Variants in MYO5A observed in about 807,000 individuals in gnomAD.
The protein encoded by MYO5A is myosin VA.
A neutral mutation model predicts 249.7 loss-of-function variants in MYO5A; 98 were observed. The ratio of observed to expected loss-of-function variants is 0.39; its 90% CI spans 0.33 to 0.46. The LOEUF (loss-of-function observed/expected upper bound fraction) is 0.46, where lower values mean the gene tolerates loss of function less well. MYO5A is among the 20% of genes least tolerant of loss of function. MYO5A has a pLI of 0.98. For missense variants in MYO5A, 1,696 were observed against 2,308.8 expected, an observed-to-expected ratio of 0.73 and a Z score of 5.44; for synonymous variants, 778 against 810.6, an observed-to-expected ratio of 0.96 and a Z score of 0.68.
chr15:52,334,881 C>T lies in MYO5A; in HGVS notation c.4408+1582G>A, dbSNP rs140453953. Among the ~76,000 whole-genome samples, 35 of 152,284 alleles carry T rather than the reference C, an allele frequency of 2.3e-4. No homozygotes were observed. The East Asian group carries it at 5.8e-3, about 25-fold the overall frequency. Reference sequence around the variant, plus strand: ...TGGTACACAGAGAGCAGAACCATAACGTCTGTCTGGGTAATCAGGAAAGGC... The same window carrying T: ...TGGTACACAGAGAGCAGAACCATAATGTCTGTCTGGGTAATCAGGAAAGGC... On this transcript the variant is annotated intron_variant, in intron 34 of 41. Transcript: ENST00000399233.
chr15:52,431,834 A>T (rs756377703), intron 2 of MYO5A, among the ~76,000 whole-genome samples: 5 of 152,140 alleles, frequency 3.3e-5, no homozygotes, highest in Admixed American at 6.5e-5. Flanking sequence ...AAAAAAATTT[A>T]AAAATTAGCC....
intron 9 of MYO5A, among the ~76,000 whole-genome samples, chr15:52,398,121 T>C (rs1198909317): frequency 1.3e-5 from 2 of 152,070 alleles, no homozygotes; most frequent in Admixed American, 6.6e-5. Flanking sequence ...AAAATGTGAG[T>C]TGAAATCACA....
chr15:52,405,849 T>C (rs896928579), intron 8 of MYO5A, among the ~76,000 whole-genome samples: 1 of 152,234 alleles, frequency 6.6e-6, no homozygotes, highest in Admixed American at 6.5e-5. Context: ...ATTAATAGTA[T>C]TACCATTTCT....
chr15:52,369,594 C>G (rs1335166389), intron 22 of MYO5A, among the ~76,000 whole-genome samples: 1 of 152,164 alleles, frequency 6.6e-6, no homozygotes, highest in African/African-American at 2.4e-5. Context: ...ACTTCTCCTG[C>G]TTGGACTTCT....
chr15:52,514,092 G>A (rs549143791), intron 1 of MYO5A, among the ~76,000 whole-genome samples: 7 of 152,218 alleles, frequency 4.6e-5, no homozygotes, highest in African/African-American at 1.4e-4. Context: ...GATCTGATTC[G>A]TTAAATCCAA....
intron 2 of MYO5A, 50 bp from the exon 3 acceptor site, chr15:52,428,619 GA>G (rs768137080): frequency 6.3e-7 from 1 of 1,590,242 alleles, no homozygotes; most frequent in Non-Finnish European, 8.6e-7. Flanking sequence ...CAAGGACTGT[GA>G]AAGAGGCCCA....
In MYO5A at chr15:52,308,242, T is replaced by C. The variant is rs1450012632; in HGVS notation, c.*5454A>G. ...TAGACCAAATTACAAATAAAAAAAG[T>C]ATAAAAAGCATTTTGGAAGATATTT... On this transcript the variant is annotated 3_prime_UTR_variant, in exon 42 of 42. Transcript: ENST00000399233. The C allele has an allele frequency of 6.6e-6, 1 of 152,190 alleles. No homozygotes were observed. The highest frequency in any genetic ancestry group is 6.5e-5 in the Admixed American group (1 of 15,272). 9.4% of individuals were successfully genotyped at this position (152,190 alleles called of 1,614,324 possible). A position where few individuals can be genotyped will look rare whatever the true frequency, so the allele number is the denominator to read the frequency against.
chr15:52,474,209 A>G (rs913072873), intron 1 of MYO5A, among the ~76,000 whole-genome samples: 4 of 152,318 alleles, frequency 2.6e-5, no homozygotes, highest in African/African-American at 9.6e-5. Flanking sequence ...ATTGATGTGT[A>G]AGAATGCTTG....
rs1364563081 is a variant in MYO5A, at chr15:52,310,584, G to C, written c.*3112C>G. The C allele has an allele frequency of 6.6e-6, 1 of 152,312 alleles. No individual in the cohort carries two copies. Among genetic ancestry groups the C allele is most frequent in the Non-Finnish European group, 1.5e-5 (1 of 68,080 alleles). 9.4% of individuals were successfully genotyped at this position (152,312 alleles called of 1,614,324 possible). ...ACAAGGACTGTGCAAAGATTGGGCT[G>C]ATGGTAAGCACCAGGAAGGCCAGCA... On this transcript the variant is annotated 3_prime_UTR_variant, in exon 42 of 42. Coordinates refer to ENST00000399233, the MANE Select transcript of MYO5A (RefSeq NM_001382347.1).
intron 1 of MYO5A, among the ~76,000 whole-genome samples, chr15:52,492,997 G>A (rs962964323): frequency 1.3e-5 from 2 of 152,296 alleles, no homozygotes; most frequent in African/African-American, 4.8e-5. Flanking sequence ...GTGGGGATGA[G>A]AATCAGAATT....
intron 1 of MYO5A, among the ~76,000 whole-genome samples, chr15:52,460,049 G>A (rs1253769781): frequency 1.3e-5 from 2 of 151,694 alleles, no homozygotes; most frequent in East Asian, 1.9e-4. Flanking sequence ...ATCTCAGACG[G>A]GGCGGCGGGG....
chr15:52,507,804 C>CA (rs57445300), intron 1 of MYO5A, among the ~76,000 whole-genome samples: 1,154 of 102,874 alleles, frequency 0.011, 12 homozygotes, highest in Middle Eastern at 0.038. Flanking sequence ...ACCCTGTCCC[C>CA]AAAAAAAAAA....
intron 1 of MYO5A, among the ~76,000 whole-genome samples, chr15:52,459,962 C>T (rs2076209056): frequency 6.6e-6 from 1 of 151,934 alleles, no homozygotes; most frequent in Non-Finnish European, 1.5e-5. Context: ...TCCTCACCTC[C>T]CAGACGGGGT....
chr15:52,526,549 C>T (rs1391921206), intron 1 of MYO5A, among the ~76,000 whole-genome samples: 9 of 152,078 alleles, frequency 5.9e-5, no homozygotes, highest in South Asian at 2.1e-4. Context: ...TTAGTAGAGA[C>T]GGGGTTTTGC....
chr15:52,480,124 C>T (rs2076685399), intron 1 of MYO5A, among the ~76,000 whole-genome samples: 1 of 152,144 alleles, frequency 6.6e-6, no homozygotes, highest in Admixed American at 6.5e-5. Context: ...AATTATACCT[C>T]AATAAAACTA....
At chr15:52,524,347 A>G (rs1001499622) in intron 1 of MYO5A, among the ~76,000 whole-genome samples, 1 of 152,158 alleles carries the variant, frequency 6.6e-6, no homozygotes, top group Admixed American at 6.5e-5. Context: ...TGACCTGAGG[A>G]GTTAGAGATC....
chr15:52,497,420 A>AACAG (rs1486091740), intron 1 of MYO5A, among the ~76,000 whole-genome samples: 1 of 55,452 alleles, frequency 1.8e-5, no homozygotes, highest in Non-Finnish European at 4.9e-5. Flanking sequence ...TAAATAAATA[A>AACAG]ATAGATAAAT....
intron 35 of MYO5A, among the ~76,000 whole-genome samples, chr15:52,329,427 G>A (rs915561170): frequency 5.3e-5 from 8 of 152,084 alleles, no homozygotes; most frequent in African/African-American, 1.4e-4. Context: ...CACAACTTAC[G>A]GTGTGTACAC....
intron 1 of MYO5A, among the ~76,000 whole-genome samples, chr15:52,435,389 G>A (rs2075640570): frequency 6.7e-6 from 1 of 148,198 alleles, no homozygotes; most frequent in Non-Finnish European, 1.5e-5. Flanking sequence ...TGATTCTCCT[G>A]CCTCGGCCTC....
Sources: gnomAD v4.1 joint callset for allele counts (sites outside exome capture counted in the v4.1 genomes callset) on GRCh38, gnomAD v4.1.1 for gene constraint, MANE v1.5 for transcripts, NCBI Gene and HGNC (gene_info 2026-07-23, HGNC 2026-07-21) for gene names.